LINC00305: variants seen among roughly 807,000 people sequenced by gnomAD.
LINC00305 encodes the protein long intergenic non-protein coding RNA 305.
intron 1 of LINC00305, among the ~76,000 whole-genome samples, chr18:64,116,761 T>C (rs1249236827): frequency 6.6e-6 from 1 of 152,344 alleles, no homozygotes; most frequent in East Asian, 1.9e-4. Context: ...TTGCAATCTT[T>C]GCTTTGACAG....
chr18:64,123,704 T>G (rs1382921302), intron 1 of LINC00305, among the ~76,000 whole-genome samples: 1 of 152,116 alleles, frequency 6.6e-6, no homozygotes, highest in Non-Finnish European at 1.5e-5. Context: ...GATTTGGATG[T>G]TTGTCCTCTT....
chr18:64,100,642 T>A (rs2051264534), intron 1 of LINC00305, among the ~76,000 whole-genome samples: 1 of 152,216 alleles, frequency 6.6e-6, no homozygotes. Flanking sequence ...CAAAAATAAA[T>A]GTTCTCTTTT....
chr18:64,096,242 A>G (rs979593249), intron 3 of LINC00305, among the ~76,000 whole-genome samples: 3 of 151,976 alleles, frequency 2.0e-5, no homozygotes, highest in African/African-American at 7.2e-5. Context: ...AGATACAAAG[A>G]CTCAGGATTG....
intron 1 of LINC00305, among the ~76,000 whole-genome samples, chr18:64,131,740 T>A (rs2051410803): frequency 6.6e-6 from 1 of 152,198 alleles, no homozygotes; most frequent in Admixed American, 6.6e-5. Flanking sequence ...TGTTGTAGCA[T>A]CACTCGTTAG....
intron 1 of LINC00305, among the ~76,000 whole-genome samples, chr18:64,113,239 T>C (rs2051322942): frequency 6.6e-6 from 1 of 152,212 alleles, no homozygotes; most frequent in Non-Finnish European, 1.5e-5. Flanking sequence ...GCCTTAGCAA[T>C]TTACTTAGTT....
chr18:64,086,452 GA>G (rs1252051090), intron 3 of LINC00305, among the ~76,000 whole-genome samples: 1 of 152,038 alleles, frequency 6.6e-6, no homozygotes, highest in Non-Finnish European at 1.5e-5. Flanking sequence ...TCCAAAAATT[GA>G]AAAAACAAAT....
chr18:64,148,043 C>T (rs941710138), intron 1 of LINC00305, among the ~76,000 whole-genome samples: 1 of 151,814 alleles, frequency 6.6e-6, no homozygotes, highest in Non-Finnish European at 1.5e-5. Context: ...CCATGGGGCC[C>T]CTAGGAGACA....
intron 3 of LINC00305, among the ~76,000 whole-genome samples, chr18:64,095,132 C>CA (rs1481560634): frequency 6.6e-6 from 1 of 151,938 alleles, no homozygotes; most frequent in Non-Finnish European, 1.5e-5. Flanking sequence ...GCAAGGATGA[C>CA]AAAAAATACC....
intron 1 of LINC00305, among the ~76,000 whole-genome samples, chr18:64,143,610 A>ACGTATTATGCGTACATATG (rs1568120137): frequency 9.0e-6 from 1 of 111,534 alleles, no homozygotes; most frequent in Non-Finnish European, 1.9e-5. Flanking sequence ...GTATATGTAC[A>ACGTATTATGCGTACATATG]TATGTACACA....
intron 1 of LINC00305, among the ~76,000 whole-genome samples, chr18:64,105,987 T>C (rs531289186): frequency 6.6e-5 from 10 of 152,350 alleles, no homozygotes; most frequent in African/African-American, 2.4e-4. Context: ...GTGCTACCCT[T>C]TGCAGGAATG....
chr18:64,090,882 C>T (rs1035648500), intron 3 of LINC00305, among the ~76,000 whole-genome samples: 2 of 152,158 alleles, frequency 1.3e-5, no homozygotes, highest in African/African-American at 4.8e-5. Context: ...ATAGCTTACA[C>T]GTGTGTATGT....
intron 1 of LINC00305, among the ~76,000 whole-genome samples, chr18:64,108,738 C>A (rs2051302360): frequency 6.6e-6 from 1 of 152,186 alleles, no homozygotes; most frequent in African/African-American, 2.4e-5. Flanking sequence ...GACACTGTCA[C>A]TGAGGAACCA....
At chr18:64,111,465 A>C (rs1462666955) in intron 1 of LINC00305, among the ~76,000 whole-genome samples, 1 of 152,226 alleles carries the variant, frequency 6.6e-6, no homozygotes, top group East Asian at 1.9e-4. Flanking sequence ...CTCAAATGGA[A>C]AATAAGCTCC....
chr18:64,112,695 C>T (rs2051320300), intron 1 of LINC00305, among the ~76,000 whole-genome samples: 1 of 152,112 alleles, frequency 6.6e-6, no homozygotes, highest in South Asian at 2.1e-4. Flanking sequence ...ACAAATCTTG[C>T]CTATCTTCAA....
intron 1 of LINC00305, among the ~76,000 whole-genome samples, chr18:64,117,974 A>C (rs770497428): frequency 6.6e-5 from 10 of 152,168 alleles, no homozygotes; most frequent in Non-Finnish European, 1.3e-4. Flanking sequence ...TTAACTTCTT[A>C]AAGAGTGGTG....
intron 1 of LINC00305, among the ~76,000 whole-genome samples, chr18:64,143,590 GTACACATATGTATATGTACA>G: frequency 1.2e-5 from 1 of 81,244 alleles, no homozygotes; most frequent in African/African-American, 6.7e-5. Context: ...ATGTACATAT[GTACACATATGTATATGTACA>G]TATGTACACA....
chr18:64,112,231 A>G (rs752200035), intron 1 of LINC00305, among the ~76,000 whole-genome samples: 2 of 151,856 alleles, frequency 1.3e-5, no homozygotes, highest in Non-Finnish European at 2.9e-5. Context: ...AGAAATATGG[A>G]TTGAAAATGG....
At chr18:64,088,202 A>G (rs1386456217) in intron 3 of LINC00305, among the ~76,000 whole-genome samples, 1 of 152,104 alleles carries the variant, frequency 6.6e-6, no homozygotes, top group Non-Finnish European at 1.5e-5. Flanking sequence ...CAGTCATGGA[A>G]GACTTGCTAA....
chr18:64,147,920 C>T (rs1030168306), intron 1 of LINC00305, among the ~76,000 whole-genome samples: 7 of 151,998 alleles, frequency 4.6e-5, no homozygotes, highest in African/African-American at 1.4e-4. Flanking sequence ...GTCCTTTTGT[C>T]CCTACACTTG....
Sources: allele counts gnomAD v4.1 joint callset (sites outside exome capture counted in the v4.1 genomes callset), GRCh38; gene constraint gnomAD v4.1.1; transcripts MANE v1.5; gene names NCBI Gene and HGNC (gene_info 2026-07-23, HGNC 2026-07-21).